MED13: variants seen among roughly 807,000 people sequenced by gnomAD.
The protein encoded by MED13 is mediator of RNA polymerase II transcription subunit 13.
In MED13, 23 loss-of-function variants were observed where a neutral mutation model predicts 225.2. The ratio of observed to expected loss-of-function variants is 0.10; its 90% CI spans 0.07 to 0.14. The LOEUF (loss-of-function observed/expected upper bound fraction) is 0.14. MED13 is among the 10% of genes least tolerant of loss of function. The pLI is 1.00. For missense variants in MED13, 2,197 were observed against 2,594.5 expected (o/e 0.85, Z 3.33); for synonymous variants, 942 against 889.2 (o/e 1.06, Z -1.06).
rs2080339777 is a variant in MED13, at chr17:61,995,513, TTAAA to T, written c.1968-152_1968-149del. 8 of 583,276 alleles carry T rather than the reference TTAAA, an allele frequency of 1.4e-5. No individual in the cohort carries two copies. The South Asian group carries it at 1.9e-4, about 14-fold the overall frequency. 36.1% of individuals were successfully genotyped at this position (583,276 alleles called of 1,614,324 possible). Reference sequence around the variant, plus strand: ...TCAGAAATGAGGAGGCATGAAAATATTAAATAATTTATTGAAGTCTAAAATTTAG... The same window carrying T: ...TCAGAAATGAGGAGGCATGAAAATATTAATTTATTGAAGTCTAAAATTTAG... On this transcript the variant is annotated intron_variant, in intron 9 of 29. Transcript: ENST00000397786.
chr17:62,031,735 T>C, intron 5 of MED13, 97 bp from the exon 6 acceptor site: 2 of 609,570 alleles, frequency 3.3e-6, no homozygotes, highest in Non-Finnish European at 5.0e-6. Context: ...AGGTATCACA[T>C]TTATACAAAT....
intron 1 of MED13, 101 bp downstream of exon 1, chr17:62,065,039 G>A (rs1013682101): frequency 1.4e-4 from 148 of 1,087,164 alleles, no homozygotes; most frequent in Middle Eastern, 3.0e-4. Context: ...GGCCTCGCCC[G>A]GGAACTCGGG....
chr17:62,043,098 G>A (rs2080867415), intron 3 of MED13, among the ~76,000 whole-genome samples: 1 of 128,324 alleles, frequency 7.8e-6, no homozygotes, highest in Middle Eastern at 5.2e-3. Context: ...AGAGGTTGGA[G>A]TGAGTCAAGA....
chr17:62,030,064 A>G (rs771463855), intron 6 of MED13, 51 bp from the exon 7 acceptor site: 1 of 1,390,032 alleles, frequency 7.2e-7, no homozygotes, highest in Admixed American at 2.8e-5. Context: ...GTAGGTTTAA[A>G]GTAACATTAT....
chr17:62,050,502 A>G (rs2080947418), intron 3 of MED13, among the ~76,000 whole-genome samples: 1 of 151,742 alleles, frequency 6.6e-6, no homozygotes, highest in Non-Finnish European at 1.5e-5. Context: ...TTGTGACCAA[A>G]AAAAAAAAAA....
At chr17:61,989,669 C>T (rs1435028765) in intron 11 of MED13, among the ~76,000 whole-genome samples, 1 of 152,216 alleles carries the variant, frequency 6.6e-6, no homozygotes, top group Non-Finnish European at 1.5e-5. Context: ...TAGGGTCTCA[C>T]TACGTTGGCC....
chr17:62,010,092 C>T (rs1171511136), intron 9 of MED13, among the ~76,000 whole-genome samples: 2 of 151,858 alleles, frequency 1.3e-5, no homozygotes, highest in African/African-American at 4.8e-5. Context: ...TGTGGTGGCT[C>T]ACACCTGTAA....
chr17:61,973,035 A>C, intron 16 of MED13, 147 bp from the exon 17 acceptor site: 2 of 533,078 alleles, frequency 3.8e-6, no homozygotes, highest in South Asian at 3.9e-5. Context: ...GAATTGCATT[A>C]AGTTCTACAA....
At chr17:61,977,681 C>T (rs1264181325) in intron 16 of MED13, among the ~76,000 whole-genome samples, 1 of 152,172 alleles carries the variant, frequency 6.6e-6, no homozygotes, top group East Asian at 1.9e-4. Flanking sequence ...TTGATCTGAC[C>T]TTGTGATCCA....
At chr17:62,063,009 C>A in intron 2 of MED13, 58 bp downstream of exon 2, 2 of 1,317,874 alleles carry the variant, frequency 1.5e-6, no homozygotes, top group Non-Finnish European at 2.2e-6. Flanking sequence ...ATATGACATT[C>A]TGGGAGAAGT....
At chr17:61,957,356 A>AT (rs199681354) in intron 23 of MED13, among the ~76,000 whole-genome samples, 5,519 of 128,250 alleles carry the variant, frequency 0.043, 336 homozygotes, top group African/African-American at 0.15. Flanking sequence ...TAAACTTTTT[A>AT]TTTTTTTTTT....
At chr17:62,015,877 G>A (rs905161970) in intron 8 of MED13, among the ~76,000 whole-genome samples, 7 of 59,160 alleles carry the variant, frequency 1.2e-4, no homozygotes, top group African/African-American at 3.2e-4. Context: ...ATGTGTGTGT[G>A]TATATATATA....
At chr17:61,963,079 G>T in intron 20 of MED13, 108 bp from the exon 21 acceptor site, 1 of 800,070 alleles carries the variant, frequency 1.2e-6, no homozygotes, top group Non-Finnish European at 2.0e-6. Context: ...GGTGAAAGGT[G>T]TCAGAAAGCC....
At chr17:61,953,713 C>G (rs1048039780) in intron 26 of MED13, among the ~76,000 whole-genome samples, 1 of 152,138 alleles carries the variant, frequency 6.6e-6, no homozygotes, top group Admixed American at 6.6e-5. Flanking sequence ...AAAATAAATG[C>G]GTGTTGTTTT....
intron 23 of MED13, among the ~76,000 whole-genome samples, chr17:61,957,608 A>G (rs2079958744): frequency 6.6e-6 from 1 of 152,098 alleles, no homozygotes; most frequent in Admixed American, 6.5e-5. Flanking sequence ...TTGGCCTCAC[A>G]AAGTGCTAGG....
At chr17:62,033,671 T>G (rs1228083628) in intron 5 of MED13, 116 bp downstream of exon 5, 2 of 959,498 alleles carry the variant, frequency 2.1e-6, no homozygotes, top group Admixed American at 2.6e-5. Context: ...AATTAAGGAA[T>G]AAATCTTTGG....
rs2080074855 is a variant in MED13 at position 61,968,074 on chromosome 17, T to G, written c.4152A>C (p.Gly1384=). 1 of 1,613,820 alleles carries G rather than the reference T, an allele frequency of 6.2e-7. No individual in the cohort carries two copies. Among genetic ancestry groups the G allele is most frequent in the Non-Finnish European group, 8.5e-7 (1 of 1,179,910 alleles). ...TAAGATCTCTAAAAAAGCTTTTTGCTCCATTTAACAAGGCTTCATTTTCTG... is the reference window on the plus strand; with the variant it reads ...TAAGATCTCTAAAAAAGCTTTTTGCGCCATTTAACAAGGCTTCATTTTCTG... ...LCPENEALLN[G]AKSFFRDLTA... Residue 1384 remains glycine, a synonymous_variant, in exon 18 of 30, where the codon GGA becomes GGC. Coordinates refer to ENST00000397786, the MANE Select transcript of MED13 (RefSeq NM_005121.3).
intron 8 of MED13, among the ~76,000 whole-genome samples, chr17:62,011,444 T>G: frequency 6.6e-6 from 1 of 152,214 alleles, no homozygotes; most frequent in South Asian, 2.1e-4. Context: ...TAAAAGCCAA[T>G]TATCTCATGC....
At chr17:62,039,550 T>C (rs565238667) in intron 3 of MED13, among the ~76,000 whole-genome samples, 83 of 151,536 alleles carry the variant, frequency 5.5e-4, no homozygotes, top group African/African-American at 1.9e-3. Context: ...CCCAAAGTGC[T>C]ATAAATTACA....
Sources: allele counts gnomAD v4.1 joint callset (sites outside exome capture counted in the v4.1 genomes callset), GRCh38; gene constraint gnomAD v4.1.1; transcripts MANE v1.5; gene names NCBI Gene and HGNC (gene_info 2026-07-23, HGNC 2026-07-21).